Variants in SCN11A observed in about 807,000 individuals in gnomAD.
SCN11A encodes the protein sodium voltage-gated channel alpha subunit 11.
Under a neutral mutation model 162.2 loss-of-function variants are expected in SCN11A, and 122 were observed. That is an observed-to-expected ratio of 0.75 (90% confidence interval 0.65 to 0.87). The LOEUF (loss-of-function observed/expected upper bound fraction) is 0.87. SCN11A is among the 40% of genes least tolerant of loss of function. SCN11A has a pLI of 0.00. For synonymous variants in SCN11A, 758 were observed against 751.5 expected (o/e 1.01, Z -0.14); for missense variants, 2,015 against 2,181.6 (o/e 0.92, Z 1.52).
At chr3:38,988,961 A>C (rs1056944970) in intron 2 of SCN11A, among the ~76,000 whole-genome samples, 1 of 152,180 alleles carries the variant, frequency 6.6e-6, no homozygotes, top group Non-Finnish European at 1.5e-5. Flanking sequence ...ATGGCTGCAT[A>C]TTCTTTGGCA....
At chr3:38,991,175 A>G (rs2030441994) in intron 2 of SCN11A, among the ~76,000 whole-genome samples, 1 of 152,224 alleles carries the variant, frequency 6.6e-6, no homozygotes, top group East Asian at 1.9e-4. Context: ...AATCACTTTT[A>G]CAACTAAATA....
intron 3 of SCN11A, among the ~76,000 whole-genome samples, 97 bp downstream of exon 3, chr3:38,960,186 G>A (rs528345074): frequency 6.6e-6 from 1 of 152,206 alleles, no homozygotes; most frequent in East Asian, 1.9e-4. Context: ...CAAAAGGCCT[G>A]TACTCTACCC....
intron 2 of SCN11A, among the ~76,000 whole-genome samples, chr3:38,998,566 C>G (rs143058907): frequency 0.027 from 4,171 of 152,154 alleles, 208 homozygotes; most frequent in African/African-American, 0.095. Context: ...GGTATATACC[C>G]AAAGGATTAT....
At chr3:38,928,481 C>T (rs1465832275) in intron 7 of SCN11A, among the ~76,000 whole-genome samples, 2 of 152,088 alleles carry the variant, frequency 1.3e-5, no homozygotes, top group African/African-American at 4.8e-5. Context: ...GGCACACATA[C>T]AGCTATGTAA....
intron 7 of SCN11A, 145 bp from the exon 8 acceptor site, chr3:38,927,076 A>C: frequency 1.4e-6 from 1 of 736,522 alleles, no homozygotes; most frequent in Non-Finnish European, 2.2e-6. Flanking sequence ...AGAGTTCAAA[A>C]ATGCAAGCTT....
intron 2 of SCN11A, among the ~76,000 whole-genome samples, chr3:38,977,117 G>A (rs1236928461): frequency 6.6e-6 from 1 of 152,136 alleles, no homozygotes; most frequent in Non-Finnish European, 1.5e-5. Context: ...AAGTATTTCT[G>A]TTAAGCTAAA....
chr3:38,973,849 T>G (rs2066831635), intron 2 of SCN11A, among the ~76,000 whole-genome samples: 2 of 152,170 alleles, frequency 1.3e-5, no homozygotes. Context: ...TGTGTAAAGC[T>G]GGAGCACCAA....
At chr3:39,043,193 G>C (rs2032097372) in intron 1 of SCN11A, among the ~76,000 whole-genome samples, 1 of 152,106 alleles carries the variant, frequency 6.6e-6, no homozygotes, top group South Asian at 2.1e-4. Context: ...TGTGGAGAAA[G>C]GAGAACCCTC....
chr3:38,938,617 T>C (rs1325981940), intron 7 of SCN11A, among the ~76,000 whole-genome samples: 1 of 133,112 alleles, frequency 7.5e-6, no homozygotes, highest in East Asian at 2.6e-4. Context: ...CAGGCTGGCG[T>C]TCAATGGCAT....
At chr3:38,938,521 TATATATATATATATATATATATATATATA>T (rs1559544864) in intron 7 of SCN11A, among the ~76,000 whole-genome samples, 3 of 14,726 alleles carry the variant, frequency 2.0e-4, no homozygotes, top group South Asian at 1.5e-3. Flanking sequence ...TATATATATA[TATATATATATATATATATATATATATATA>T]TTTTTTTTTT....
At chr3:38,875,482 G>T (rs1273085508) in intron 23 of SCN11A, among the ~76,000 whole-genome samples, 1 of 151,970 alleles carries the variant, frequency 6.6e-6, no homozygotes, top group African/African-American at 2.4e-5. Context: ...AAAACTCCTA[G>T]AACTGGCAAA....
At chr3:38,966,694 G>C (rs2066784591) in intron 2 of SCN11A, among the ~76,000 whole-genome samples, 1 of 152,116 alleles carries the variant, frequency 6.6e-6, no homozygotes. Context: ...TTGAACATTA[G>C]AACTTATGCC....
At chr3:38,999,027 T>C (rs1160663436) in intron 2 of SCN11A, among the ~76,000 whole-genome samples, 2 of 152,138 alleles carry the variant, frequency 1.3e-5, no homozygotes, top group Admixed American at 1.3e-4. Context: ...CTGCACGTTG[T>C]GCACATGTAC....
chr3:39,042,026 T>C lies in SCN11A; in HGVS notation c.-403-9523A>G, dbSNP rs1446389500. Among the ~76,000 whole-genome samples, 4 of 152,080 alleles carry C rather than the reference T, an allele frequency of 2.6e-5. No homozygotes were observed. In the South Asian group the frequency reaches 8.3e-4, roughly 32 times the overall value. On this transcript the variant is annotated intron_variant, in intron 1 of 29. Transcript: ENST00000302328. ...GCTCATGCCTGTAATCCCAGCACTT[T>C]GGGAGGCTGAGGCAGGAGGATCACT... is the stretch of plus-strand genomic sequence containing the variant.
At chr3:38,920,765 C>T (rs2066036838) in intron 10 of SCN11A, among the ~76,000 whole-genome samples, 2 of 151,520 alleles carry the variant, frequency 1.3e-5, no homozygotes, top group East Asian at 1.9e-4. Context: ...TATTGTTAGC[C>T]AAATCCAAGC....
At chr3:38,862,155 A>C (rs2064974588) in intron 28 of SCN11A, among the ~76,000 whole-genome samples, 1 of 152,150 alleles carries the variant, frequency 6.6e-6, no homozygotes, top group African/African-American at 2.4e-5. Flanking sequence ...ATCACTAATT[A>C]TCAGGGAAAT....
chr3:39,038,744 T>C (rs562402958), intron 1 of SCN11A, among the ~76,000 whole-genome samples: 53 of 152,314 alleles, frequency 3.5e-4, no homozygotes, highest in African/African-American at 1.3e-3. Context: ...CTGATACTTA[T>C]GGACTAAATA....
chr3:38,945,401 A>G lies in SCN11A; in HGVS notation c.488+10T>C. 1 of 1,589,626 alleles carries G rather than the reference A, an allele frequency of 6.3e-7. No individual in the cohort carries two copies. The highest frequency in any genetic ancestry group is 8.6e-7 in the Non-Finnish European group (1 of 1,159,196). ...AACTTAGGACAGGTGAGTGAAGGAA[A>G]AATACTTACTCTGCAATGTCAGTAT... is the stretch of plus-strand genomic sequence containing the variant. On this transcript the variant is annotated intron_variant, in intron 7 of 29. Transcript: ENST00000302328.
At chr3:38,998,208 A>T (rs995030119) in intron 2 of SCN11A, among the ~76,000 whole-genome samples, 5 of 152,194 alleles carry the variant, frequency 3.3e-5, no homozygotes, top group African/African-American at 1.2e-4. Flanking sequence ...GGAAGAACAA[A>T]CAGTTATCTC....
Sources: allele counts gnomAD v4.1 joint callset (sites outside exome capture counted in the v4.1 genomes callset), GRCh38; gene constraint gnomAD v4.1.1; transcripts MANE v1.5; gene names NCBI Gene and HGNC (gene_info 2026-07-23, HGNC 2026-07-21).